SPAG16: variants seen among roughly 807,000 people sequenced by gnomAD.
SPAG16 encodes the protein sperm associated antigen 16.
In SPAG16, 86 loss-of-function variants were observed where a neutral mutation model predicts 80.4. The ratio of observed to expected loss-of-function variants is 1.07; its 90% CI spans 0.90 to 1.28. The LOEUF is 1.28. Among genes scored for constraint, SPAG16 ranks in the 50% most tolerant of loss-of-function variants. SPAG16 has a pLI of 0.00. For missense variants in SPAG16, 870 were observed against 765.3 expected (o/e 1.14, Z -1.61); for synonymous variants, 294 against 265.9 (o/e 1.11, Z -1.03).
intron 15 of SPAG16, among the ~76,000 whole-genome samples, chr2:214,392,947 A>G (rs10167079): frequency 0.87 from 132,270 of 152,152 alleles, 57,600 homozygotes; most frequent in Middle Eastern, 0.9. Context: ...GAAAATGTTT[A>G]AAATTGATGT....
intron 15 of SPAG16, among the ~76,000 whole-genome samples, chr2:214,391,516 G>C (rs1394456111): frequency 6.6e-6 from 1 of 152,002 alleles, no homozygotes; most frequent in South Asian, 2.1e-4. Context: ...GGTTAAATAT[G>C]GTCAATTAAA....
At chr2:213,936,388 C>CA (rs2078989189) in intron 12 of SPAG16, among the ~76,000 whole-genome samples, 1 of 152,134 alleles carries the variant, frequency 6.6e-6, no homozygotes. Context: ...AGAAGAGTCT[C>CA]AATCTGTTTT....
chr2:213,334,001 A>G (rs930008747), intron 5 of SPAG16, among the ~76,000 whole-genome samples: 1 of 152,174 alleles, frequency 6.6e-6, no homozygotes, highest in Non-Finnish European at 1.5e-5. Context: ...TTCTGCATAG[A>G]AAAGGGAATA....
At chr2:214,260,806 T>C (rs1691092420) in intron 15 of SPAG16, among the ~76,000 whole-genome samples, 1 of 151,768 alleles carries the variant, frequency 6.6e-6, no homozygotes, top group Admixed American at 6.6e-5. Flanking sequence ...CCATAGAGTA[T>C]GGTAAAATTC....
chr2:214,110,357 A>C (rs1318809078), intron 14 of SPAG16, among the ~76,000 whole-genome samples: 4 of 149,688 alleles, frequency 2.7e-5, no homozygotes, highest in African/African-American at 9.9e-5. Flanking sequence ...CTCATTGTTC[A>C]ATCCCACCTA....
intron 12 of SPAG16, among the ~76,000 whole-genome samples, chr2:213,968,475 G>A (rs903425476): frequency 1.4e-4 from 21 of 152,186 alleles, no homozygotes; most frequent in Non-Finnish European, 2.8e-4. Context: ...TTATAGGTGT[G>A]AGCCACCGTG....
chr2:213,533,781 A>G (rs1374945673), intron 10 of SPAG16, among the ~76,000 whole-genome samples: 1 of 152,184 alleles, frequency 6.6e-6, no homozygotes, highest in African/African-American at 2.4e-5. Context: ...CTACTAATCA[A>G]TGATAATTGC....
At chr2:213,745,344 G>A (rs2067769728) in intron 10 of SPAG16, among the ~76,000 whole-genome samples, 1 of 152,150 alleles carries the variant, frequency 6.6e-6, no homozygotes, top group Non-Finnish European at 1.5e-5. Flanking sequence ...CCGGGTTCAA[G>A]CAATTCTCCT....
chr2:213,738,314 C>T (rs1294914613), intron 10 of SPAG16, among the ~76,000 whole-genome samples: 1 of 152,098 alleles, frequency 6.6e-6, no homozygotes, highest in Non-Finnish European at 1.5e-5. Context: ...CCTAAACATA[C>T]ATACTTATGA....
chr2:213,510,095 T>C (rs1349730822), intron 10 of SPAG16, among the ~76,000 whole-genome samples: 1 of 139,764 alleles, frequency 7.2e-6, no homozygotes, highest in African/African-American at 2.7e-5. Flanking sequence ...TTGAGATTTA[T>C]CCTGGATAAA....
chr2:214,292,286 T>A (rs1203466080), intron 15 of SPAG16, among the ~76,000 whole-genome samples: 5 of 152,176 alleles, frequency 3.3e-5, no homozygotes, highest in African/African-American at 1.2e-4. Flanking sequence ...GATGTGTAAA[T>A]CTGTTGCTGG....
chr2:213,408,090 T>G (rs994775785), intron 9 of SPAG16, among the ~76,000 whole-genome samples: 2 of 143,832 alleles, frequency 1.4e-5, no homozygotes, highest in African/African-American at 2.6e-5. Flanking sequence ...AAGAGAAAAA[T>G]AGAAGTAGTA....
chr2:213,358,163 G>T (rs1575347567), intron 7 of SPAG16, among the ~76,000 whole-genome samples: 1 of 152,086 alleles, frequency 6.6e-6, no homozygotes, highest in East Asian at 1.9e-4. Context: ...TATGTAACCT[G>T]CCCTCTCTCT....
chr2:213,773,651 T>A (rs2069393438), intron 10 of SPAG16, among the ~76,000 whole-genome samples: 1 of 152,096 alleles, frequency 6.6e-6, no homozygotes, highest in African/African-American at 2.4e-5. Flanking sequence ...GCCTCCCAGG[T>A]TCAAGCAGTT....
intron 13 of SPAG16, among the ~76,000 whole-genome samples, chr2:214,041,978 G>GTATA (rs1158447338): frequency 0.015 from 1,759 of 116,098 alleles, 21 homozygotes; most frequent in Non-Finnish European, 0.017. Context: ...GTCTGTGTGT[G>GTATA]TATATATATA....
intron 14 of SPAG16, among the ~76,000 whole-genome samples, chr2:214,137,738 A>G (rs962169748): frequency 6.6e-6 from 1 of 152,066 alleles, no homozygotes; most frequent in African/African-American, 2.4e-5. Context: ...TTTAAGCATT[A>G]TTTTCCTCAT....
intron 15 of SPAG16, among the ~76,000 whole-genome samples, chr2:214,377,035 C>CTTTAGTTAGAGT (rs1330036188): frequency 6.6e-6 from 1 of 152,194 alleles, no homozygotes; most frequent in African/African-American, 2.4e-5. Context: ...TAAATAATAA[C>CTTTAGTTAGAGT]TACCTAAAGT....
intron 5 of SPAG16, among the ~76,000 whole-genome samples, chr2:213,332,830 A>G (rs1472031051): frequency 6.6e-6 from 1 of 152,126 alleles, no homozygotes; most frequent in African/African-American, 2.4e-5. Context: ...ACATCCCTTT[A>G]TGATAAAAAC....
chr2:214,056,662 G>A (rs1439856628), intron 13 of SPAG16, among the ~76,000 whole-genome samples: 1 of 152,088 alleles, frequency 6.6e-6, no homozygotes, highest in Non-Finnish European at 1.5e-5. Flanking sequence ...GGTGGCTGTG[G>A]CAATTTTTAA....
Sources: allele counts gnomAD v4.1 joint callset (sites outside exome capture counted in the v4.1 genomes callset), GRCh38; gene constraint gnomAD v4.1.1; transcripts MANE v1.5; gene names NCBI Gene and HGNC (gene_info 2026-07-23, HGNC 2026-07-21).